ST14: variants seen among roughly 807,000 people sequenced by gnomAD.
ST14 encodes suppressor of tumorigenicity 14 protein.
Under a neutral mutation model 96.5 loss-of-function variants are expected in ST14, and 40 were observed. The observed-to-expected ratio is 0.41, with a 90% confidence interval of 0.32 to 0.54. The LOEUF (loss-of-function observed/expected upper bound fraction) is 0.54, where lower values mean the gene tolerates loss of function less well. ST14 is among the 20% of genes least tolerant of loss of function. The pLI, the probability that ST14 is intolerant of heterozygous loss-of-function variation, is 0.17. For synonymous variants in ST14, 506 were observed against 492.1 expected (o/e 1.03, Z -0.37); for missense variants, 1,066 against 1,188.9 (o/e 0.90, Z 1.52).
chr11:130,199,182 T>G (rs987697069), intron 15 of ST14, 113 bp downstream of exon 15: 152 of 1,193,462 alleles, frequency 1.3e-4, no homozygotes, highest in Admixed American at 3.6e-4. Context: ...AGCTCTGTGC[T>G]TGGGTGAGAG....
At chr11:130,195,928 G>A (rs7942903) in intron 9 of ST14, among the ~76,000 whole-genome samples, 1,549 of 151,330 alleles carry the variant, frequency 0.01, 39 homozygotes, top group African/African-American at 0.035. Context: ...AGGCCGAGGC[G>A]GGCAGATCAC....
chr11:130,188,766 G>A lies in ST14; in HGVS notation c.370-103G>A. On this transcript the variant is annotated intron_variant, in intron 3 of 18. Coordinates refer to ENST00000278742, the MANE Select transcript of ST14 (RefSeq NM_021978.4). The surrounding 1 kb of genome is among the most constrained non-coding windows in gnomAD (Gnocchi z 5.4). Reference sequence around the variant, plus strand: ...GCTCCCAGGGCCCTGGGATGGGGGTGATCTGCAAAGGGGACCCGGGCCCTG... The same window carrying A: ...GCTCCCAGGGCCCTGGGATGGGGGTAATCTGCAAAGGGGACCCGGGCCCTG... 1 of 1,605,110 alleles carries A rather than the reference G, an allele frequency of 6.2e-7. No homozygotes were observed. Among genetic ancestry groups the A allele is most frequent in the Non-Finnish European group, 8.5e-7 (1 of 1,173,362 alleles).
At chr11:130,200,197 T>C (rs543115095) in intron 16 of ST14, 60 bp downstream of exon 16, 102 of 1,596,560 alleles carry the variant, frequency 6.4e-5, no homozygotes, top group Non-Finnish European at 7.9e-5. Context: ...CTGGGAGTAA[T>C]GCCAGGATAG....
Position 130,198,429 on chromosome 11 carries a change from G to A in ST14, c.1570+11G>A, listed in dbSNP as rs868477962. 6.2e-7 allele frequency: 1 copy of A among 1,613,824 alleles called. No individual in the cohort carries two copies. The highest frequency in any genetic ancestry group is 1.1e-5 in the South Asian group (1 of 91,074). On this transcript the variant is annotated intron_variant, in intron 13 of 18. Transcript: ENST00000278742. ...ACGAGCAGGGGTGCAGTGAGTGCTGGGGAGGGGCTGCCTGGGCGGGCAGGT... is the reference window on the plus strand; with the variant it reads ...ACGAGCAGGGGTGCAGTGAGTGCTGAGGAGGGGCTGCCTGGGCGGGCAGGT...
Position 130,168,519 on chromosome 11 carries a change from G to A in ST14, c.81+8459G>A, listed in dbSNP as rs1419769836. ...AGTGCTAATTAGTGCAGAGGTGATTGCAGTGCTGATCACACTTGGTGGAAG... is the reference window on the plus strand; with the variant it reads ...AGTGCTAATTAGTGCAGAGGTGATTACAGTGCTGATCACACTTGGTGGAAG... On this transcript the variant is annotated intron_variant, in intron 1 of 18. Transcript: ENST00000278742. Among the ~76,000 whole-genome samples the A allele has an allele frequency of 3.3e-5, 5 of 152,172 alleles. No individual in the cohort carries two copies. In the East Asian group the frequency reaches 7.7e-4, roughly 23 times the overall value.
chr11:130,198,027 G>A lies in ST14; in HGVS notation c.1459+82G>A, dbSNP rs536667630. ...CCCATGGCCCTGCTGGCTGACTGCC[G>A]AGGCAGAAAGGCCGGAGGTGGTGGG... On this transcript the variant is annotated intron_variant, in intron 12 of 18. Transcript: ENST00000278742. The A allele has an allele frequency of 7.5e-5, 105 of 1,408,542 alleles. 1 individual carries two copies. The highest frequency in any genetic ancestry group is 7.4e-4 in the South Asian group (60 of 81,500). 87.3% of individuals were successfully genotyped at this position (1,408,542 alleles called of 1,614,324 possible).
Position 130,209,864 on chromosome 11 carries a change from C to T in ST14, c.*41C>T. On this transcript the variant is annotated 3_prime_UTR_variant, in exon 19 of 19. Transcript: ENST00000278742. The stretch of plus-strand genomic sequence containing the variant: ...AAATGTGTACACCTGCGGGGCCACC[C>T]ATCGTCCACCCCAGTGTGCACGCCT... The T allele has an allele frequency of 1.2e-6, 2 of 1,607,820 alleles. No individual in the cohort carries two copies. Among genetic ancestry groups the T allele is most frequent in the Non-Finnish European group, 1.7e-6 (2 of 1,179,222 alleles).
chr11:130,177,763 G>A (rs1246801836), intron 1 of ST14, among the ~76,000 whole-genome samples: 1 of 152,070 alleles, frequency 6.6e-6, no homozygotes, highest in Non-Finnish European at 1.5e-5. Flanking sequence ...GGTGAAGTGA[G>A]ATGACGTCTC....
At chr11:130,205,911 C>G (rs962280918) in intron 16 of ST14, among the ~76,000 whole-genome samples, 4 of 152,002 alleles carry the variant, frequency 2.6e-5, no homozygotes, top group Admixed American at 6.6e-5. Flanking sequence ...GTTGGCCAGG[C>G]TGGTCTCAAA....
chr11:130,194,873 T>TGCGC (rs1953344312), intron 9 of ST14, 136 bp downstream of exon 9: 3 of 817,068 alleles, frequency 3.7e-6, no homozygotes, highest in Admixed American at 2.0e-5. Flanking sequence ...TGTGTGTGTG[T>TGCGC]GTGCGTATGT....
At position 130,209,475 on chromosome 11, in the gene ST14, T is replaced by G; in HGVS notation, c.2303T>G (p.Ile768Ser). The G allele has an allele frequency of 1.3e-6, 2 of 1,586,184 alleles. No individual in the cohort carries two copies. The highest frequency in any genetic ancestry group is 1.7e-6 in the Non-Finnish European group (2 of 1,166,450). ...TGALILQKGE[I>S]RVINQTTCEN... The stretch of plus-strand genomic sequence containing the variant: ...GCGCTGATCCTGCAAAAGGGTGAGA[T>G]CCGCGTCATCAACCAGACCACCTGC... Residue 768 changes from isoleucine to serine, a missense_variant, in exon 18 of 19, where the codon ATC becomes AGC. Coordinates refer to ENST00000278742, the MANE Select transcript of ST14 (RefSeq NM_021978.4).
chr11:130,188,812 G>T lies in ST14; in HGVS notation c.370-57G>T. The T allele has an allele frequency of 1.2e-6, 2 of 1,604,618 alleles. No individual in the cohort carries two copies. The highest frequency in any genetic ancestry group is 1.7e-6 in the Non-Finnish European group (2 of 1,174,754). On this transcript the variant is annotated intron_variant, in intron 3 of 18. Coordinates refer to ENST00000278742, the MANE Select transcript of ST14 (RefSeq NM_021978.4). This position sits in a 1 kb window ranked among gnomAD's most constrained non-coding sequence, Gnocchi z 5.4. Reference sequence around the variant, plus strand: ...CCCTGGAGGGGAGGGAGCAGCCCGGGCTTGGGGCAGGGTCATCGCCGCATG... The same window carrying T: ...CCCTGGAGGGGAGGGAGCAGCCCGGTCTTGGGGCAGGGTCATCGCCGCATG...
At chr11:130,182,068 C>T (rs1481439363) in intron 1 of ST14, among the ~76,000 whole-genome samples, 2 of 152,216 alleles carry the variant, frequency 1.3e-5, no homozygotes, top group Non-Finnish European at 1.5e-5. Flanking sequence ...CCTAACCACA[C>T]TGGGAGGCAG....
intron 13 of ST14, 22 bp downstream of exon 13, chr11:130,198,440 C>G (rs1224140923): frequency 1.2e-6 from 2 of 1,613,268 alleles, no homozygotes; most frequent in Non-Finnish European, 1.7e-6. Context: ...GGAGGGGCTG[C>G]CTGGGCGGGC....
rs757034861 is a variant in ST14, at chr11:130,209,634, A to G, written c.2407-28A>G. ...GGCCCCGGGAGAGGCGGGACTGGGG[A>G]CTCACGGCAGGGCTTGTCTCCGCCC... On this transcript the variant is annotated intron_variant, in intron 18 of 18. Transcript: ENST00000278742. 1.2e-5 allele frequency: 19 copies of G among 1,577,110 alleles called. No homozygotes were observed. The African/African-American group carries it at 1.6e-4, about 13-fold the overall frequency.
In ST14 at chr11:130,159,989, G is replaced by A; in HGVS notation, c.10G>A (p.Asp4Asn). The A allele has an allele frequency of 7.1e-7, 1 of 1,402,250 alleles. No individual in the cohort carries two copies. Among genetic ancestry groups the A allele is most frequent in the South Asian group, 1.6e-5 (1 of 64,220 alleles). 86.9% of individuals were successfully genotyped at this position (1,402,250 alleles called of 1,614,324 possible). ...AGCGGCCTCGGGGACCATGGGGAGC[G>A]ATCGGGCCCGCAAGGGCGGAGGGGG... is the stretch of plus-strand genomic sequence containing the variant. Reference protein sequence around the residue: MGSDRARKGGGGPK... With the variant: MGSNRARKGGGGPK... The change falls in exon 1 of 19, where the codon GAT becomes AAT. Residue 4 changes from aspartate (D) to asparagine (N), a missense_variant. Asp to Asn is a conservative substitution (Grantham distance 23, BLOSUM62 1). Coordinates refer to ENST00000278742, the MANE Select transcript of ST14 (RefSeq NM_021978.4).
intron 1 of ST14, among the ~76,000 whole-genome samples, chr11:130,168,721 G>A (rs1361979582): frequency 1.3e-5 from 2 of 152,214 alleles, no homozygotes; most frequent in African/African-American, 4.8e-5. Flanking sequence ...CCAGGATAGA[G>A]TCTGGTTCTA....
At position 130,190,498 on chromosome 11, in the gene ST14, C is replaced by G. The variant is rs370850343; in HGVS notation, c.679C>G (p.Arg227Gly). ...GLHARGVELMRFTTPGFPDSP... is the reference protein window; with the variant it reads ...GLHARGVELMGFTTPGFPDSP... ...GCACGCCCGCGGTGTGGAGCTGATG[C>G]GCTTCACCACGCCCGGCTTCCCTGA... Residue 227 changes from arginine (R) to glycine (G), a missense_variant, in exon 7 of 19, where the codon CGC (arginine) becomes GGC (glycine). Transcript: ENST00000278742. 155 of 1,608,516 alleles carry G rather than the reference C, an allele frequency of 9.6e-5. No individual in the cohort carries two copies. The highest frequency in any genetic ancestry group is 1.2e-4 in the Non-Finnish European group (140 of 1,179,876).
intron 1 of ST14, among the ~76,000 whole-genome samples, chr11:130,182,036 C>T (rs941981159): frequency 6.6e-6 from 1 of 152,194 alleles, no homozygotes. Flanking sequence ...TTCCCTGAAT[C>T]CTTGCTCCCA....
Sources: allele counts gnomAD v4.1 joint callset (sites outside exome capture counted in the v4.1 genomes callset), GRCh38; gene constraint gnomAD v4.1.1; non-coding constraint Gnocchi (gnomAD v3.1); transcripts MANE v1.5; gene names NCBI Gene and HGNC (gene_info 2026-07-23, HGNC 2026-07-21).